The following AGAP1 variants were observed in gnomAD, a reference collection of about 807,000 sequenced individuals.
The protein encoded by AGAP1 is ArfGAP with GTPase domain, ankyrin repeat and PH domain 1, also known as arf-GAP with GTPase, ANK repeat and PH domain-containing protein 1.
AGAP1 carries 29 observed loss-of-function variants against 105.3 expected under a neutral mutation model. The observed-to-expected ratio is 0.28, with a 90% CI of 0.21 to 0.38. AGAP1 has a LOEUF of 0.38. Among genes scored for constraint, AGAP1 ranks in the 10% least tolerant of loss-of-function variants. AGAP1 has a pLI of 1.00. For missense variants in AGAP1, 998 were observed against 1,165.1 expected (o/e 0.86, Z 2.09); for synonymous variants, 509 against 485.9 (o/e 1.05, Z -0.63).
At chr2:236,010,130 CA>C (rs1259318730) in intron 13 of AGAP1, among the ~76,000 whole-genome samples, 1 of 141,996 alleles carries the variant, frequency 7.0e-6, no homozygotes, top group African/African-American at 2.7e-5. Flanking sequence ...AAAAAAAAAA[CA>C]AAAAACTTTT....
In AGAP1 at chr2:235,777,383, T is replaced by G. The variant is rs1293412799; in HGVS notation, c.674-20376T>G. Among the ~76,000 whole-genome samples the G allele has an allele frequency of 6.6e-6, 1 of 152,138 alleles. No homozygotes were observed. The highest frequency in any genetic ancestry group is 2.4e-5 in the African/African-American group (1 of 41,416). On this transcript the variant is annotated intron_variant, in intron 6 of 17. Transcript: ENST00000304032. The surrounding 1 kb of genome is among the most constrained non-coding windows in gnomAD (Gnocchi z 5.1). ...AGACAAAAGTGATTTCCTGAGCTGCTCCGAGCTGGAGACAGAACCAGCAGA... is the reference window on the plus strand; with the variant it reads ...AGACAAAAGTGATTTCCTGAGCTGCGCCGAGCTGGAGACAGAACCAGCAGA...
In AGAP1 at chr2:235,930,422, G is replaced by A. The variant is rs766325660; in HGVS notation, c.1325-343G>A. The stretch of plus-strand genomic sequence containing the variant: ...CCCCATCTTGCCGGCCTGCCGGATC[G>A]CGGTGTCTCTGCTAAGACTCGCTGG... On this transcript the variant is annotated intron_variant, in intron 11 of 17. Coordinates refer to ENST00000304032, the MANE Select transcript of AGAP1 (RefSeq NM_001037131.3). The surrounding 1 kb of genome is among the most constrained non-coding windows in gnomAD (Gnocchi z 7.9). Among the ~76,000 whole-genome samples, 8 of 152,176 alleles carry A rather than the reference G, an allele frequency of 5.3e-5. No homozygotes were observed. The highest frequency in any genetic ancestry group is 1.0e-4 in the Non-Finnish European group (7 of 68,040).
At chr2:235,813,954 G>A (rs920448822) in intron 9 of AGAP1, among the ~76,000 whole-genome samples, 7 of 152,272 alleles carry the variant, frequency 4.6e-5, no homozygotes, top group African/African-American at 9.6e-5. Flanking sequence ...TCCTCCTACC[G>A]CCCCCGGGTG....
intron 1 of AGAP1, among the ~76,000 whole-genome samples, chr2:235,650,894 C>A (rs558247014): frequency 2.0e-5 from 3 of 152,056 alleles, no homozygotes; most frequent in East Asian, 1.9e-4. Context: ...AAGATAGAGA[C>A]CCTGGCCAGG....
At chr2:235,709,403 A>G (rs1950715842) in intron 2 of AGAP1, among the ~76,000 whole-genome samples, 166 bp downstream of exon 2, 1 of 152,142 alleles carries the variant, frequency 6.6e-6, no homozygotes, top group South Asian at 2.1e-4. Context: ...TTGGGACTAG[A>G]GTCCAAGTTC....
intron 1 of AGAP1, chr2:235,670,157 C>T: frequency 1.7e-6 from 1 of 583,546 alleles, no homozygotes; most frequent in South Asian, 1.8e-5. Context: ...CGCGATGCCG[C>T]GCGGGACGCC....
chr2:236,013,603 T>C (rs573390287), intron 13 of AGAP1, among the ~76,000 whole-genome samples: 2 of 151,976 alleles, frequency 1.3e-5, no homozygotes, highest in East Asian at 1.9e-4. Flanking sequence ...TCCAGATAAG[T>C]GCTGCTCACC....
At position 235,874,026 on chromosome 2, in the gene AGAP1, G is replaced by A. The variant is rs1459003017; in HGVS notation, c.1051-9319G>A. Among the ~76,000 whole-genome samples, 1 of 152,014 alleles carries A rather than the reference G, an allele frequency of 6.6e-6. No individual in the cohort carries two copies. The highest frequency in any genetic ancestry group is 1.9e-4 in the East Asian group (1 of 5,154). ...TCACAGGCGTGAGCCATCACGCCCAGCCCAGAACCGCATTCTGTTTTTTGT... is the reference window on the plus strand; with the variant it reads ...TCACAGGCGTGAGCCATCACGCCCAACCCAGAACCGCATTCTGTTTTTTGT... On this transcript the variant is annotated intron_variant, in intron 9 of 17. Coordinates refer to ENST00000304032, the MANE Select transcript of AGAP1 (RefSeq NM_001037131.3). This position sits in a 1 kb window ranked among gnomAD's most constrained non-coding sequence, Gnocchi z 4.5.
chr2:235,592,130 CAGCG>C (rs1945364147), intron 1 of AGAP1, among the ~76,000 whole-genome samples: 1 of 152,218 alleles, frequency 6.6e-6, no homozygotes, highest in Admixed American at 6.5e-5. Flanking sequence ...CTTGCCTGGA[CAGCG>C]CCCTGTGGCC....
At chr2:235,781,893 C>T (rs1956286632) in intron 6 of AGAP1, among the ~76,000 whole-genome samples, 2 of 152,182 alleles carry the variant, frequency 1.3e-5, no homozygotes, top group South Asian at 4.2e-4. Context: ...TTTCCGCATT[C>T]CTTTTGTAGA....
chr2:236,070,505 C>G (rs780008908), intron 16 of AGAP1, among the ~76,000 whole-genome samples: 4 of 152,230 alleles, frequency 2.6e-5, no homozygotes, highest in African/African-American at 9.6e-5. Flanking sequence ...ATGTTCATGG[C>G]AGCATCGTTC....
chr2:236,074,612 G>T (rs2058589303), intron 16 of AGAP1, among the ~76,000 whole-genome samples: 1 of 152,112 alleles, frequency 6.6e-6, no homozygotes. Flanking sequence ...CAAAATAAAT[G>T]TGTAAAAATG....
chr2:236,126,892 A>G lies in AGAP1; in HGVS notation c.*2770A>G, dbSNP rs565927617. On this transcript the variant is annotated 3_prime_UTR_variant, in exon 18 of 18. Transcript: ENST00000304032. ...TCCCACTTTCAAGCTAATTACCACC[A>G]AGGCTGGGAGAGGCAAGGACTGGGG... is the stretch of plus-strand genomic sequence containing the variant. 1 of 152,330 alleles carries G rather than the reference A, an allele frequency of 6.6e-6. No individual in the cohort carries two copies. Among genetic ancestry groups the G allele is most frequent in the Admixed American group, 6.5e-5 (1 of 15,300 alleles). The allele number at this position is 152,330 out of a possible 1,614,324, so 9.4% of individuals were successfully genotyped here. A position where few individuals can be genotyped will look rare whatever the true frequency, so the allele number is the denominator to read the frequency against.
chr2:235,694,509 A>G (rs1949903246), intron 1 of AGAP1, among the ~76,000 whole-genome samples: 1 of 148,178 alleles, frequency 6.7e-6, no homozygotes, highest in South Asian at 2.2e-4. Context: ...TTAGCTGGGC[A>G]TGGTGGCAGT....
At chr2:235,516,221 A>G (rs1318613574) in intron 1 of AGAP1, among the ~76,000 whole-genome samples, 1 of 152,094 alleles carries the variant, frequency 6.6e-6, no homozygotes, top group Non-Finnish European at 1.5e-5. Flanking sequence ...TGCCTGGCGA[A>G]TAGTATATCC....
intron 1 of AGAP1, among the ~76,000 whole-genome samples, chr2:235,648,582 A>G (rs1375426403): frequency 6.6e-6 from 1 of 151,950 alleles, no homozygotes; most frequent in Non-Finnish European, 1.5e-5. Context: ...TCCAGTTAAG[A>G]CAGTCATGTG....
chr2:235,848,748 C>T (rs1033964578), intron 9 of AGAP1, among the ~76,000 whole-genome samples: 2 of 152,218 alleles, frequency 1.3e-5, no homozygotes, highest in African/African-American at 4.8e-5. Context: ...TGAGAACACA[C>T]AGTTGCACCT....
intron 1 of AGAP1, among the ~76,000 whole-genome samples, chr2:235,616,783 AAAC>A (rs1946320269): frequency 6.6e-6 from 1 of 152,204 alleles, no homozygotes. Flanking sequence ...CAAATAGTGA[AAAC>A]AAAATTCTGA....
intron 1 of AGAP1, among the ~76,000 whole-genome samples, chr2:235,649,431 T>C (rs543761452): frequency 6.6e-6 from 1 of 152,314 alleles, no homozygotes; most frequent in South Asian, 2.1e-4. Flanking sequence ...TGGGGTGTAG[T>C]GGTATGACTG....
Sources: gnomAD v4.1 joint callset for allele counts (sites outside exome capture counted in the v4.1 genomes callset) on GRCh38, gnomAD v4.1.1 for gene constraint, Gnocchi (gnomAD v3.1) non-coding constraint, MANE v1.5 for transcripts, NCBI Gene and HGNC (gene_info 2026-07-23, HGNC 2026-07-21) for gene names.